VPS28: variants seen among roughly 807,000 people sequenced by gnomAD.
VPS28 encodes VPS28 subunit of ESCRT-I.
Under a neutral mutation model 33.7 loss-of-function variants are expected in VPS28, and 29 were observed. The ratio of observed to expected loss-of-function variants is 0.86; its 90% CI spans 0.64 to 1.17. The LOEUF (loss-of-function observed/expected upper bound fraction) is 1.17, where lower values mean the gene tolerates loss of function less well. Among genes scored for constraint, VPS28 ranks in the 50% most tolerant of loss-of-function variants. The probability of loss-of-function intolerance (pLI) is 0.00; values close to 1 mark genes in which losing one functional copy is unlikely to be tolerated. For synonymous variants in VPS28, 164 were observed against 116.7 expected (o/e 1.40, Z -2.61); for missense variants, 247 against 312.2 (o/e 0.79, Z 1.57).
rs1554876094 is a variant in VPS28 at position 144,424,283 on chromosome 8, G to A, written c.403-15C>T. On this transcript the variant is annotated splice_polypyrimidine_tract_variant and intron_variant, in intron 7 of 9. Transcript: ENST00000292510. ...GTGATGAAGAGCTGGGGGCAGGTGT[G>A]CACATGAGGCTCGCGTGTCCACGGG... The A allele has an allele frequency of 2.5e-6, 4 of 1,589,734 alleles. No individual in the cohort carries two copies. Among genetic ancestry groups the A allele is most frequent in the Non-Finnish European group, 3.4e-6 (4 of 1,167,576 alleles).
intron 7 of VPS28, 93 bp from the exon 8 acceptor site, chr8:144,424,361 C>T: frequency 6.8e-7 from 1 of 1,468,794 alleles, no homozygotes; most frequent in Non-Finnish European, 9.1e-7. Flanking sequence ...CCACAGCTGT[C>T]ACTTGGGCCT....
At position 144,423,760 on chromosome 8, in the gene VPS28, T is replaced by C. The variant is rs782641635; in HGVS notation, c.*45A>G. On this transcript the variant is annotated 3_prime_UTR_variant, in exon 10 of 10. Coordinates refer to ENST00000292510, the MANE Select transcript of VPS28 (RefSeq NM_016208.4). ...GTGGCGGACAGGGGACCAGGAGCCA[T>C]CGCCTCAGACTCTGCCCTTCTGTGC... The C allele has an allele frequency of 6.2e-7, 1 of 1,611,016 alleles. No individual in the cohort carries two copies.
Position 144,424,598 on chromosome 8 carries a change from C to T in VPS28, c.402+120G>A, listed in dbSNP as rs1253938298. On this transcript the variant is annotated intron_variant, in intron 7 of 9. Coordinates refer to ENST00000292510, the MANE Select transcript of VPS28 (RefSeq NM_016208.4). The stretch of plus-strand genomic sequence containing the variant: ...CCTCATTCCTAGTTAAAGGGGTTCC[C>T]TTCTGCCCAGCAAGTCAGAGTGCTG... 1.4e-5 allele frequency: 16 copies of T among 1,171,592 alleles called. No homozygotes were observed. In the Admixed American group the frequency reaches 2.2e-4, roughly 16 times the overall value. The allele number at this position is 1,171,592 out of a possible 1,614,324, so 72.6% of individuals were successfully genotyped here.
At chr8:144,426,333 G>T in intron 2 of VPS28, 125 bp from the exon 3 acceptor site, 1 of 1,305,372 alleles carries the variant, frequency 7.7e-7, no homozygotes, top group Non-Finnish European at 1.0e-6. Context: ...GAGCCCAGAG[G>T]GAGCTGGAGC....
chr8:144,425,577 C>T (rs1474820915), intron 5 of VPS28, 106 bp downstream of exon 5: 94 of 1,249,130 alleles, frequency 7.5e-5, no homozygotes, highest in Non-Finnish European at 1.0e-4. Context: ...GGGTGGGCCC[C>T]ACACAAGTGG....
At chr8:144,424,864 C>T (rs1822616095) in intron 6 of VPS28, 45 bp from the exon 7 acceptor site, 1 of 1,612,778 alleles carries the variant, frequency 6.2e-7, no homozygotes, top group Middle Eastern at 1.6e-4. Context: ...GACAGCAAGC[C>T]CCAGGTGGCC....
chr8:144,425,385 GC>G (rs1184338555), intron 5 of VPS28: 3 of 554,202 alleles, frequency 5.4e-6, no homozygotes, highest in Non-Finnish European at 9.7e-6. Flanking sequence ...ATTGAACAAA[GC>G]CCCCCCAAAA....
chr8:144,425,610 C>T (rs1195411988), intron 5 of VPS28, 73 bp downstream of exon 5: 7 of 1,529,214 alleles, frequency 4.6e-6, no homozygotes, highest in African/African-American at 1.4e-5. Flanking sequence ...CTGACAGACG[C>T]CTGCTCTTGC....
chr8:144,427,933 G>A (rs1165934128), intron 1 of VPS28, among the ~76,000 whole-genome samples: 1 of 152,158 alleles, frequency 6.6e-6, no homozygotes, highest in African/African-American at 2.4e-5. Context: ...CGGGCCTGGC[G>A]GGCAGGCGCA....
Position 144,424,150 on chromosome 8 carries a change from G to A in VPS28, c.457-18C>T. The A allele has an allele frequency of 1.3e-6, 2 of 1,551,816 alleles. No homozygotes were observed. The highest frequency in any genetic ancestry group is 1.7e-6 in the Non-Finnish European group (2 of 1,145,720). ...GGCTGGATCTGAGACACACACAGCG[G>A]CTGGGACCCCGACGCCGGCTCCATC... On this transcript the variant is annotated intron_variant, in intron 8 of 9. Transcript: ENST00000292510.
intron 4 of VPS28, 82 bp from the exon 5 acceptor site, chr8:144,425,854 C>T: frequency 6.3e-7 from 1 of 1,591,700 alleles, no homozygotes; most frequent in Non-Finnish European, 8.6e-7. Flanking sequence ...CCGGAGGTGC[C>T]ACTGCGGGCG....
intron 2 of VPS28, chr8:144,426,653 C>T (rs1218898277): frequency 5.9e-6 from 3 of 511,802 alleles, no homozygotes; most frequent in Admixed American, 7.1e-5. Context: ...GGATTGGTGA[C>T]ACAGGGTGCC....
intron 7 of VPS28, 97 bp downstream of exon 7, chr8:144,424,621 C>G: frequency 7.6e-7 from 1 of 1,320,376 alleles, no homozygotes; most frequent in Non-Finnish European, 1.1e-6. Flanking sequence ...AGTCAGAGTG[C>G]TGCTCAGCTC....
In VPS28 at chr8:144,423,761, C is replaced by T. The variant is rs782294422; in HGVS notation, c.*44G>A. ...TGGCGGACAGGGGACCAGGAGCCATCGCCTCAGACTCTGCCCTTCTGTGCA... is the reference window on the plus strand; with the variant it reads ...TGGCGGACAGGGGACCAGGAGCCATTGCCTCAGACTCTGCCCTTCTGTGCA... On this transcript the variant is annotated 3_prime_UTR_variant, in exon 10 of 10. Transcript: ENST00000292510. 43 of 1,610,664 alleles carry T rather than the reference C, an allele frequency of 2.7e-5. No homozygotes were observed. The Admixed American group carries it at 3.2e-4, about 12-fold the overall frequency.
chr8:144,425,084 G>C (rs1412568127), intron 5 of VPS28, 33 bp from the exon 6 acceptor site: 4 of 1,537,172 alleles, frequency 2.6e-6, no homozygotes, highest in Non-Finnish European at 3.5e-6. Context: ...CCAAGCATGG[G>C]ACCAGCCCCA....
intron 2 of VPS28, 83 bp downstream of exon 2, chr8:144,426,826 C>T (rs1481798136): frequency 1.3e-6 from 2 of 1,516,362 alleles, no homozygotes; most frequent in African/African-American, 2.8e-5. Flanking sequence ...GATACCTCCC[C>T]ACCCCCGATC....
chr8:144,426,833 G>A (rs1205785801), intron 2 of VPS28, 76 bp downstream of exon 2: 8 of 1,549,748 alleles, frequency 5.2e-6, no homozygotes, highest in African/African-American at 1.4e-5. Context: ...CCCCACCCCC[G>A]ATCCCCAATA....
In VPS28 at chr8:144,426,966, C is replaced by A. The variant is rs782315535; in HGVS notation, c.-21G>T. The A allele has an allele frequency of 5.0e-6, 8 of 1,611,408 alleles. No individual in the cohort carries two copies. Among genetic ancestry groups the A allele is most frequent in the East Asian group, 2.2e-5 (1 of 44,792 alleles). On this transcript the variant is annotated 5_prime_UTR_variant, in exon 2 of 10. Transcript: ENST00000292510. ...AACATCCTCTAGGCTCTGGGGGGGGCACAGCACTGAGACCTGGGGAGCAGA... is the reference window on the plus strand; with the variant it reads ...AACATCCTCTAGGCTCTGGGGGGGGAACAGCACTGAGACCTGGGGAGCAGA...
At position 144,423,644 on chromosome 8, in the gene VPS28, G is replaced by C; in HGVS notation, c.*161C>G. The C allele has an allele frequency of 2.2e-6, 2 of 906,610 alleles. No individual in the cohort carries two copies. Among genetic ancestry groups the C allele is most frequent in the South Asian group, 3.2e-5 (2 of 61,972 alleles). 56.2% of individuals were successfully genotyped at this position (906,610 alleles called of 1,614,324 possible). ...AGGTCGGAGAGCATCTTTATTGTGGGGAGGGGCCCGGCCCCCAAAGTTCTG... is the reference window on the plus strand; with the variant it reads ...AGGTCGGAGAGCATCTTTATTGTGGCGAGGGGCCCGGCCCCCAAAGTTCTG... On this transcript the variant is annotated 3_prime_UTR_variant, in exon 10 of 10. Transcript: ENST00000292510.
Sources: allele counts gnomAD v4.1 joint callset (sites outside exome capture counted in the v4.1 genomes callset), GRCh38; gene constraint gnomAD v4.1.1; transcripts MANE v1.5; gene names NCBI Gene and HGNC (gene_info 2026-07-23, HGNC 2026-07-21).